GML: variants seen among roughly 807,000 people sequenced by gnomAD.
GML encodes glycosyl-phosphatidylinositol-anchored molecule-like protein.
Under a neutral mutation model 8.2 loss-of-function variants are expected in GML, and 5 were observed. The ratio of observed to expected loss-of-function variants is 0.61; its 90% CI spans 0.32 to 1.28. The LOEUF is 1.28. Among genes scored for constraint, GML ranks in the 50% most tolerant of loss-of-function variants. The pLI is 0.06. For synonymous variants in GML, 72 were observed against 69.0 expected (o/e 1.04, Z -0.22); for missense variants, 191 against 198.3 (o/e 0.96, Z 0.22).
At chr8:142,840,755 G>A (rs1195529396) in intron 2 of GML, among the ~76,000 whole-genome samples, 1 of 152,138 alleles carries the variant, frequency 6.6e-6, no homozygotes, top group African/African-American at 2.4e-5. Flanking sequence ...CTCCATCAGC[G>A]CCAGGCAGGA....
At chr8:142,845,143 CAGATT>C (rs545334434) in intron 3 of GML, among the ~76,000 whole-genome samples, 81 of 152,286 alleles carry the variant, frequency 5.3e-4, no homozygotes, top group African/African-American at 1.8e-3. Flanking sequence ...TTCATAAACA[CAGATT>C]AGAGCAAAAG....
intron 3 of GML, among the ~76,000 whole-genome samples, chr8:142,846,137 T>C (rs1224704268): frequency 2.0e-5 from 3 of 152,104 alleles, no homozygotes; most frequent in Non-Finnish European, 4.4e-5. Flanking sequence ...ATGATACCAT[T>C]TTGGGAGGGC....
At chr8:142,839,018 C>T (rs1305166093) in intron 1 of GML, among the ~76,000 whole-genome samples, 1 of 152,224 alleles carries the variant, frequency 6.6e-6, no homozygotes, top group Non-Finnish European at 1.5e-5. Flanking sequence ...TTCAGAATGT[C>T]TGCTGTGCCC....
intron 1 of GML, among the ~76,000 whole-genome samples, chr8:142,839,228 C>T (rs777928808): frequency 3.3e-5 from 5 of 152,148 alleles, no homozygotes; most frequent in South Asian, 2.1e-4. Context: ...GCTGGCTGGA[C>T]GAGTCAGGAG....
chr8:142,843,271 CA>C (rs1816460708), intron 3 of GML, among the ~76,000 whole-genome samples: 1 of 151,014 alleles, frequency 6.6e-6, no homozygotes, highest in Non-Finnish European at 1.5e-5. Context: ...CACACACACA[CA>C]CACACACACA....
intron 1 of GML, among the ~76,000 whole-genome samples, chr8:142,836,893 TA>T (rs905228789): frequency 1.3e-5 from 2 of 152,206 alleles, no homozygotes; most frequent in African/African-American, 4.8e-5. Flanking sequence ...TGAAGTCAAA[TA>T]AAATAGATGA....
chr8:142,841,109 C>A lies in GML; in HGVS notation c.74-9C>A, dbSNP rs371427266. On this transcript the variant is annotated splice_polypyrimidine_tract_variant and intron_variant, in intron 2 of 3. Transcript: ENST00000220940. ...GCAGAAGCCTGAAGCCTGCTTTCTCCCCTCTCAGGGACTTACAGTTTGAGA... is the reference window on the plus strand; with the variant it reads ...GCAGAAGCCTGAAGCCTGCTTTCTCACCTCTCAGGGACTTACAGTTTGAGA... 14 of 1,347,208 alleles carry A rather than the reference C, an allele frequency of 1.0e-5. No homozygotes were observed. The highest frequency in any genetic ancestry group is 1.5e-5 in the Non-Finnish European group (14 of 936,562). The allele number at this position is 1,347,208 out of a possible 1,614,324, so 83.5% of individuals were successfully genotyped here. A position where few individuals can be genotyped will look rare whatever the true frequency, so the allele number is the denominator to read the frequency against.
chr8:142,840,798 C>T (rs1816419898), intron 2 of GML, among the ~76,000 whole-genome samples: 1 of 152,114 alleles, frequency 6.6e-6, no homozygotes, highest in Non-Finnish European at 1.5e-5. Flanking sequence ...AGGAGGATGG[C>T]GGACCCCTGT....
chr8:142,841,320 C>A, intron 3 of GML, 95 bp downstream of exon 3: 1 of 730,244 alleles, frequency 1.4e-6, no homozygotes, highest in South Asian at 1.5e-5. Flanking sequence ...TCTCTGCACC[C>A]AGCTCTGTTT....
chr8:142,844,763 T>C (rs1816483001), intron 3 of GML, among the ~76,000 whole-genome samples: 1 of 152,158 alleles, frequency 6.6e-6, no homozygotes, highest in Non-Finnish European at 1.5e-5. Context: ...CCACAGGAAA[T>C]GACTCAGTAT....
chr8:142,835,761 C>G (rs1223925080), intron 1 of GML, among the ~76,000 whole-genome samples: 3 of 152,158 alleles, frequency 2.0e-5, no homozygotes, highest in Admixed American at 2.0e-4. Flanking sequence ...CTCTCAGTGT[C>G]CGAAACTGCA....
At chr8:142,841,342 A>G in intron 3 of GML, 117 bp downstream of exon 3, 2 of 674,048 alleles carry the variant, frequency 3.0e-6, no homozygotes. Flanking sequence ...CCCTTCCCTC[A>G]TGTCCTCCCA....
At chr8:142,839,808 G>A (rs34605794) in intron 1 of GML, among the ~76,000 whole-genome samples, 13,050 of 152,156 alleles carry the variant, frequency 0.086, 1,120 homozygotes, top group African/African-American at 0.22. Context: ...CAGGTGTGAG[G>A]TGCCCCAGAC....
intron 1 of GML, among the ~76,000 whole-genome samples, chr8:142,838,553 G>T (rs1160510500): frequency 1.3e-5 from 2 of 152,160 alleles, no homozygotes; most frequent in Non-Finnish European, 2.9e-5. Flanking sequence ...TCTAACTCCA[G>T]ACTGACTGTT....
Position 142,840,423 on chromosome 8 carries a change from C to G in GML, c.-15C>G, listed in dbSNP as rs368117158. ...GGGGCTCCTTCCCTTCAGGTCCAGG[C>G]TCCTGCGTGAAGTGATGCTCCTCTT... On this transcript the variant is annotated 5_prime_UTR_variant, in exon 2 of 4. Coordinates refer to ENST00000220940, the MANE Select transcript of GML (RefSeq NM_002066.3). 5.0e-6 allele frequency: 8 copies of G among 1,608,542 alleles called. No individual in the cohort carries two copies. In the African/African-American group the frequency reaches 6.7e-5, roughly 13 times the overall value.
chr8:142,844,315 T>A (rs759817301), intron 3 of GML, among the ~76,000 whole-genome samples: 1 of 152,222 alleles, frequency 6.6e-6, no homozygotes, highest in Non-Finnish European at 1.5e-5. Context: ...TCAGGTGGTT[T>A]GTAGATCTCA....
chr8:142,844,140 C>G (rs568825653), intron 3 of GML, among the ~76,000 whole-genome samples: 13 of 152,232 alleles, frequency 8.5e-5, no homozygotes, highest in Admixed American at 2.0e-4. Flanking sequence ...AAAATAACAA[C>G]ATTAGAAGAG....
chr8:142,835,387 C>T (rs1199535166), intron 1 of GML, among the ~76,000 whole-genome samples: 7 of 152,212 alleles, frequency 4.6e-5, no homozygotes, highest in Admixed American at 2.6e-4. Flanking sequence ...CGCCCACCCC[C>T]ACACTGTCTG....
rs1477443034 is a variant in GML at position 142,846,506 on chromosome 8, G to A, written c.293G>A (p.Ser98Asn). The A allele has an allele frequency of 1.9e-6, 3 of 1,613,888 alleles. No individual in the cohort carries two copies. Among genetic ancestry groups the A allele is most frequent in the Admixed American group, 3.3e-5 (2 of 60,014 alleles). ...CCAGGAAAAATCTTCAAAACTAATA[G>A]CTTCTACTGGGTTTGTTGTTGTAAT... The part of the protein sequence containing the change: ...EAPGKIFKTN[S>N]FYWVCCCNSM... Residue 98 changes from serine (S) to asparagine (N), a missense_variant, in exon 4 of 4, where the codon AGC becomes AAC. Ser to Asn is a conservative substitution (Grantham distance 46). Transcript: ENST00000220940.
Sources: gnomAD v4.1 joint callset for allele counts (sites outside exome capture counted in the v4.1 genomes callset) on GRCh38, gnomAD v4.1.1 for gene constraint, MANE v1.5 for transcripts, NCBI Gene and HGNC (gene_info 2026-07-23, HGNC 2026-07-21) for gene names.